The following TENM3 variants were observed in gnomAD, a reference collection of about 807,000 sequenced individuals.
TENM3 encodes teneurin-3.
A neutral mutation model predicts 255.1 loss-of-function variants in TENM3; 63 were observed. The ratio of observed to expected loss-of-function variants is 0.25; its 90% CI spans 0.20 to 0.30. The LOEUF is 0.30. Among genes scored for constraint, TENM3 ranks in the 10% least tolerant of loss-of-function variants. The pLI, the probability that TENM3 is intolerant of heterozygous loss-of-function variation, is 1.00. For missense variants in TENM3, 2,929 were observed against 3,461.1 expected (o/e 0.85, Z 3.86); for synonymous variants, 1,306 against 1,322.3 (o/e 0.99, Z 0.27).
At chr4:182,225,203 T>C (rs1000323679) in intron 1 of TENM3, among the ~76,000 whole-genome samples, 2 of 152,192 alleles carry the variant, frequency 1.3e-5, no homozygotes, top group Non-Finnish European at 2.9e-5. Context: ...TGTAACATGT[T>C]TGAGTACTCA....
intron 24 of TENM3, among the ~76,000 whole-genome samples, chr4:182,788,552 T>C (rs1427605337): frequency 6.6e-6 from 1 of 152,224 alleles, no homozygotes; most frequent in Non-Finnish European, 1.5e-5. Flanking sequence ...CTCAAAAAAC[T>C]GTGACGTTGC....
At chr4:182,029,050 G>A in the TENM3 span, among the ~76,000 whole-genome samples, 2 of 152,198 alleles carry the variant, frequency 1.3e-5, no homozygotes, top group Non-Finnish European at 2.9e-5. Context: ...TATAAGAAAA[G>A]CACTTTAATT....
chr4:182,669,513 G>A (rs1285083340), intron 6 of TENM3, among the ~76,000 whole-genome samples: 3 of 151,900 alleles, frequency 2.0e-5, no homozygotes, highest in Admixed American at 1.3e-4. Flanking sequence ...CTCGTGATCC[G>A]CCCTCCTCAG....
the TENM3 span, among the ~76,000 whole-genome samples, chr4:181,514,666 T>C: frequency 6.6e-6 from 1 of 152,132 alleles, no homozygotes; most frequent in Non-Finnish European, 1.5e-5. Flanking sequence ...TGGCAGCTGT[T>C]TGTGACTCCT....
At chr4:182,316,528 C>T (rs1762758154) in intron 1 of TENM3, among the ~76,000 whole-genome samples, 1 of 152,076 alleles carries the variant, frequency 6.6e-6, no homozygotes, top group Non-Finnish European at 1.5e-5. Flanking sequence ...ACTGGGGCTG[C>T]TCCTGGCATC....
chr4:182,432,859 T>C (rs890348452), intron 3 of TENM3, among the ~76,000 whole-genome samples: 1 of 151,232 alleles, frequency 6.6e-6, no homozygotes, highest in African/African-American at 2.4e-5. Flanking sequence ...GGTGTGTGTG[T>C]GTGTGTTTTA....
At chr4:182,415,537 T>C (rs1770301593) in intron 3 of TENM3, among the ~76,000 whole-genome samples, 1 of 152,202 alleles carries the variant, frequency 6.6e-6, no homozygotes, top group South Asian at 2.1e-4. Context: ...TTTATTCCTT[T>C]GGCATGATAA....
chr4:182,485,916 G>A (rs1351568162), intron 3 of TENM3, among the ~76,000 whole-genome samples: 1 of 152,098 alleles, frequency 6.6e-6, no homozygotes, highest in Non-Finnish European at 1.5e-5. Flanking sequence ...CAGAAGATGG[G>A]CAGCTAACCC....
intron 1 of TENM3, among the ~76,000 whole-genome samples, chr4:182,149,468 C>T (rs997395511): frequency 7.9e-5 from 12 of 151,960 alleles, no homozygotes; most frequent in African/African-American, 2.9e-4. Flanking sequence ...AAACCCATGT[C>T]TTTCTATTTT....
intron 4 of TENM3, among the ~76,000 whole-genome samples, chr4:182,615,042 A>AAAAAAC (rs1403989160): frequency 1.7e-5 from 1 of 57,480 alleles, no homozygotes; most frequent in African/African-American, 4.4e-5. Flanking sequence ...AAAAAAAAAA[A>AAAAAAC]ATACATATAT....
At chr4:182,020,992 C>T in the TENM3 span, among the ~76,000 whole-genome samples, 2 of 151,936 alleles carry the variant, frequency 1.3e-5, no homozygotes, top group South Asian at 4.2e-4. Flanking sequence ...AGGTTTGTTA[C>T]ATGGGTATAT....
intron 1 of TENM3, among the ~76,000 whole-genome samples, chr4:182,272,419 T>A (rs1379603779): frequency 6.6e-6 from 1 of 152,038 alleles, no homozygotes; most frequent in East Asian, 1.9e-4. Context: ...ATTCACCAGA[T>A]AAAGAAACAA....
chr4:181,889,195 G>A, the TENM3 span, among the ~76,000 whole-genome samples: 1 of 152,088 alleles, frequency 6.6e-6, no homozygotes, highest in African/African-American at 2.4e-5. Context: ...TTGCATCACA[G>A]GGCGGATCCC....
chr4:181,577,098 T>A, the TENM3 span, among the ~76,000 whole-genome samples: 5 of 113,908 alleles, frequency 4.4e-5, no homozygotes, highest in African/African-American at 1.6e-4. Context: ...ATAATATATA[T>A]TTTATTATTA....
At chr4:182,192,598 T>C (rs1753593519) in intron 1 of TENM3, among the ~76,000 whole-genome samples, 2 of 152,240 alleles carry the variant, frequency 1.3e-5, no homozygotes, top group Admixed American at 6.5e-5. Context: ...TTTGGCTAGC[T>C]TTCTGGTATG....
At chr4:182,385,450 A>T (rs765851334) in intron 3 of TENM3, among the ~76,000 whole-genome samples, 9 of 151,906 alleles carry the variant, frequency 5.9e-5, no homozygotes, top group Non-Finnish European at 1.3e-4. Context: ...TTTTTAGTAG[A>T]GACAGGATTT....
chr4:181,513,513 A>G, the TENM3 span, among the ~76,000 whole-genome samples: 5 of 152,214 alleles, frequency 3.3e-5, no homozygotes, highest in African/African-American at 4.8e-5. Context: ...ATTTGTTTCA[A>G]TTAGTTGTGA....
the TENM3 span, among the ~76,000 whole-genome samples, chr4:181,458,604 T>G: frequency 6.6e-6 from 1 of 151,972 alleles, no homozygotes; most frequent in African/African-American, 2.4e-5. Context: ...CAACCTTAAT[T>G]TGAGACCTTA....
the TENM3 span, among the ~76,000 whole-genome samples, chr4:182,029,840 T>A: frequency 6.6e-6 from 1 of 152,146 alleles, no homozygotes. Flanking sequence ...AAACTTCAGA[T>A]ATAAGTAGTA....
Sources: gnomAD v4.1 joint callset for allele counts (sites outside exome capture counted in the v4.1 genomes callset) on GRCh38, gnomAD v4.1.1 for gene constraint, MANE v1.5 for transcripts, NCBI Gene and HGNC (gene_info 2026-07-23, HGNC 2026-07-21) for gene names.